The following ITGAV variants were observed in gnomAD, a reference collection of about 807,000 sequenced individuals.
ITGAV encodes the protein integrin subunit alpha V.
A neutral mutation model predicts 143.8 loss-of-function variants in ITGAV; 76 were observed. That is an observed-to-expected ratio of 0.53 (90% confidence interval 0.44 to 0.64). The LOEUF is 0.64. Among genes scored for constraint, ITGAV ranks in the 30% least tolerant of loss-of-function variants. The pLI, the probability that ITGAV is intolerant of heterozygous loss-of-function variation, is 0.00. For synonymous variants in ITGAV, 453 were observed against 446.7 expected (o/e 1.01, Z -0.18); for missense variants, 1,193 against 1,274.7 (o/e 0.94, Z 0.98).
chr2:186,671,648 T>A (rs1272354267), intron 26 of ITGAV, among the ~76,000 whole-genome samples: 1 of 152,190 alleles, frequency 6.6e-6, no homozygotes, highest in East Asian at 1.9e-4. Flanking sequence ...TTAACCATTT[T>A]AATGATTTTA....
intron 11 of ITGAV, 67 bp downstream of exon 11, chr2:186,641,034 A>C: frequency 8.2e-7 from 1 of 1,219,826 alleles, no homozygotes; most frequent in Non-Finnish European, 1.2e-6. Flanking sequence ...TACTCAAACT[A>C]AACATTTTTT....
chr2:186,602,351 G>A (rs1202508432), intron 2 of ITGAV, among the ~76,000 whole-genome samples, 200 bp downstream of exon 2: 4 of 152,066 alleles, frequency 2.6e-5, no homozygotes, highest in Admixed American at 6.5e-5. Context: ...TTAAAAGTAC[G>A]TTGTGTTTCC....
intron 8 of ITGAV, 112 bp downstream of exon 8, chr2:186,637,221 C>A: frequency 1.2e-6 from 1 of 841,892 alleles, no homozygotes; most frequent in Non-Finnish European, 2.0e-6. Flanking sequence ...GTGGCTGCAG[C>A]CTGTAATCTC....
In ITGAV at chr2:186,671,503, T is replaced by C. The variant is rs570003440; in HGVS notation, c.2706+1689T>C. 1.8e-4 allele frequency among the ~76,000 whole-genome samples: 27 copies of C among 152,210 alleles called. No individual in the cohort carries two copies. In the South Asian group the frequency reaches 2.9e-3, roughly 16 times the overall value. On this transcript the variant is annotated intron_variant, in intron 26 of 29. Transcript: ENST00000261023. Reference sequence around the variant, plus strand: ...CTTCTCATGTCCTTAAAAGTAAAATTATGTCAGAGATCTTCCCTGACCAAC... The same window carrying C: ...CTTCTCATGTCCTTAAAAGTAAAATCATGTCAGAGATCTTCCCTGACCAAC...
chr2:186,595,231 A>G (rs1034548510), intron 1 of ITGAV, among the ~76,000 whole-genome samples: 1 of 152,254 alleles, frequency 6.6e-6, no homozygotes, highest in African/African-American at 2.4e-5. Context: ...AGCTAAATAT[A>G]TTAAACATGC....
intron 1 of ITGAV, chr2:186,600,339 T>C (rs1474653204): frequency 1.4e-6 from 2 of 1,474,360 alleles, no homozygotes; most frequent in South Asian, 2.4e-5. Context: ...ACACAAATGC[T>C]CCTAGGCACC....
intron 6 of ITGAV, among the ~76,000 whole-genome samples, chr2:186,634,240 A>T (rs1248943640): frequency 2.0e-5 from 3 of 151,784 alleles, no homozygotes; most frequent in Admixed American, 6.6e-5. Context: ...TTCTTTATGT[A>T]TCATTAGAGA....
intron 10 of ITGAV, among the ~76,000 whole-genome samples, chr2:186,640,363 T>C (rs1688068383): frequency 6.6e-6 from 1 of 152,220 alleles, no homozygotes; most frequent in African/African-American, 2.4e-5. Flanking sequence ...TATAGAGATA[T>C]GACACAAAAA....
chr2:186,640,835 T>G, intron 10 of ITGAV, 80 bp from the exon 11 acceptor site: 5 of 1,127,476 alleles, frequency 4.4e-6, no homozygotes, highest in Non-Finnish European at 6.4e-6. Context: ...ATAACCCTAT[T>G]TGGTACATAT....
At position 186,625,456 on chromosome 2, in the gene ITGAV, TA is replaced by T; in HGVS notation, c.409-14del. 1.3e-6 allele frequency: 2 copies of T among 1,566,610 alleles called. No homozygotes were observed. Among genetic ancestry groups the T allele is most frequent in the South Asian group, 1.1e-5 (1 of 89,548 alleles). On this transcript the variant is annotated splice_polypyrimidine_tract_variant and intron_variant, in intron 3 of 29. Coordinates refer to ENST00000261023, the MANE Select transcript of ITGAV (RefSeq NM_002210.5). ...TTTAGAAAATCTTCGTGTCGTGGAC[TA>T]AACCTTTGATTTTAGGCCTGTGCCC...
intron 12 of ITGAV, among the ~76,000 whole-genome samples, chr2:186,643,655 A>G (rs1212498538): frequency 6.6e-6 from 1 of 152,202 alleles, no homozygotes; most frequent in Non-Finnish European, 1.5e-5. Flanking sequence ...TTATGTTCCA[A>G]AATTTTATAT....
At chr2:186,593,931 A>G (rs1294260948) in intron 1 of ITGAV, among the ~76,000 whole-genome samples, 13 of 152,204 alleles carry the variant, frequency 8.5e-5, no homozygotes, top group Admixed American at 8.5e-4. Flanking sequence ...TACAGTTCTC[A>G]TTTTATGTAT....
In ITGAV at chr2:186,652,139, A is replaced by G. The variant is rs199927679; in HGVS notation, c.1505+50A>G. 1,576 of 1,143,900 alleles carry G rather than the reference A, an allele frequency of 1.4e-3. 7 individuals are homozygous for G. Among genetic ancestry groups the G allele is most frequent in the Non-Finnish European group, 7.6e-4 (580 of 762,748 alleles). The allele number at this position is 1,143,900 out of a possible 1,614,324, so 70.9% of individuals were successfully genotyped here. The stretch of plus-strand genomic sequence containing the variant: ...TTATTATTGTGATTATTGTTCAGGC[A>G]TTGTAAGAACAATTGAAAATGAAGG... On this transcript the variant is annotated intron_variant, in intron 15 of 29. Coordinates refer to ENST00000261023, the MANE Select transcript of ITGAV (RefSeq NM_002210.5).
intron 10 of ITGAV, among the ~76,000 whole-genome samples, chr2:186,639,566 C>G (rs1688046008): frequency 1.3e-5 from 2 of 152,170 alleles, no homozygotes; most frequent in African/African-American, 4.8e-5. Context: ...CTCAATGATA[C>G]TTGCTTTATT....
chr2:186,618,671 G>C (rs1323929318), intron 2 of ITGAV, among the ~76,000 whole-genome samples: 1 of 152,108 alleles, frequency 6.6e-6, no homozygotes, highest in African/African-American at 2.4e-5. Flanking sequence ...GGAGAGATTG[G>C]ATAACCTTTC....
At chr2:186,637,000 C>G in intron 7 of ITGAV, 65 bp from the exon 8 acceptor site, 5 of 1,317,978 alleles carry the variant, frequency 3.8e-6, no homozygotes, top group Non-Finnish European at 5.5e-6. Context: ...GGAATGCTTA[C>G]TCAGCAAGCC....
chr2:186,670,972 C>T (rs1002020854), intron 26 of ITGAV, among the ~76,000 whole-genome samples: 4 of 151,984 alleles, frequency 2.6e-5, no homozygotes, highest in Non-Finnish European at 4.4e-5. Context: ...TCATGCTTGA[C>T]TCCTCTCTTT....
rs1319417199 is a variant in ITGAV at position 186,666,793 on chromosome 2, C to T, written c.2246+10C>T. On this transcript the variant is annotated intron_variant, in intron 22 of 29. Coordinates refer to ENST00000261023, the MANE Select transcript of ITGAV (RefSeq NM_002210.5). ...ACTTACAAATCCAAAGGTATGAAAA[C>T]AACTTATATTCACTTATAACTATCA... is the stretch of plus-strand genomic sequence containing the variant. The T allele has an allele frequency of 1.4e-6, 2 of 1,434,398 alleles. No homozygotes were observed. Among genetic ancestry groups the T allele is most frequent in the Non-Finnish European group, 1.9e-6 (2 of 1,040,204 alleles). The allele number at this position is 1,434,398 out of a possible 1,614,324, so 88.9% of individuals were successfully genotyped here.
At chr2:186,599,672 T>A (rs1404521969) in intron 1 of ITGAV, among the ~76,000 whole-genome samples, 1 of 152,158 alleles carries the variant, frequency 6.6e-6, no homozygotes, top group Admixed American at 6.5e-5. Context: ...ACCCAGTGAA[T>A]TGTTTTATTC....
Sources: allele counts gnomAD v4.1 joint callset (sites outside exome capture counted in the v4.1 genomes callset), GRCh38; gene constraint gnomAD v4.1.1; transcripts MANE v1.5; gene names NCBI Gene and HGNC (gene_info 2026-07-23, HGNC 2026-07-21).